NLRP1: variants seen among roughly 807,000 people sequenced by gnomAD.
NLRP1 encodes NLR family pyrin domain containing 1, also known as NACHT, LRR and PYD domains-containing protein 1.
A neutral mutation model predicts 136.7 loss-of-function variants in NLRP1; 94 were observed. The observed-to-expected ratio is 0.69, with a 90% CI of 0.58 to 0.82. The LOEUF (loss-of-function observed/expected upper bound fraction) is 0.82. Ranked by LOEUF, NLRP1 falls within the 40% of genes least tolerant of loss-of-function variation. The pLI is 0.00. For synonymous variants in NLRP1, 690 were observed against 725.1 expected (o/e 0.95, Z 0.78); for missense variants, 1,575 against 1,802.7 (o/e 0.87, Z 2.29).
At position 5,519,297 on chromosome 17, in the gene NLRP1, C is replaced by T. The variant is rs576642589; in HGVS notation, c.3916-1410G>A. Among the ~76,000 whole-genome samples, 13 of 151,864 alleles carry T rather than the reference C, an allele frequency of 8.6e-5. No individual in the cohort carries two copies. The East Asian group carries it at 1.2e-3, about 14-fold the overall frequency. On this transcript the variant is annotated intron_variant, in intron 14 of 16. Coordinates refer to ENST00000572272, the MANE Select transcript of NLRP1 (RefSeq NM_033004.4). ...GATTACAGGCTTGAGCCACCACACC[C>T]GGCCCTCCCGGCTAATTTTTGTATT...
At chr17:5,521,076 G>C in intron 13 of NLRP1, 64 bp from the exon 14 acceptor site, 2 of 1,476,346 alleles carry the variant, frequency 1.4e-6, no homozygotes, top group Non-Finnish European at 1.8e-6. Flanking sequence ...GTTTGAATAG[G>C]GGGGATGGTG....
intron 3 of NLRP1, among the ~76,000 whole-genome samples, chr17:5,573,469 C>A (rs537223420): frequency 6.6e-6 from 1 of 152,166 alleles, no homozygotes; most frequent in South Asian, 2.1e-4. Context: ...AAGAGAGCAG[C>A]GGTTCTCCCA....
At chr17:5,512,075 G>A (rs191883975), downstream of NLRP1, 48 of 711,300 alleles carry the variant, frequency 6.7e-5, 4 homozygotes, top group African/African-American at 7.4e-4. Flanking sequence ...TTTGTTTTGG[G>A]TTTTTGTGGT....
chr17:5,558,351 G>C lies in NLRP1; in HGVS notation c.2345C>G (p.Thr782Ser), dbSNP rs52795654. 0.05 allele frequency: 79,866 copies of C among 1,606,190 alleles called. 2,372 individuals are homozygous for C. Among genetic ancestry groups the C allele is most frequent in the African/African-American group, 0.12 (8,594 of 74,612 alleles). Reference protein sequence around the residue: ...GRQHRSTWSPTMVVLFRWVPV... With the variant: ...GRQHRSTWSPSMVVLFRWVPV... ...TTTGGGTACTCACAGGACTACCATGGTGGGGCTCCATGTTGATCTGTGCTG... is the reference window on the plus strand; with the variant it reads ...TTTGGGTACTCACAGGACTACCATGCTGGGGCTCCATGTTGATCTGTGCTG... Residue 782 changes from threonine to serine, a missense_variant, in exon 4 of 17, where the codon ACC becomes AGC. Transcript: ENST00000572272.
chr17:5,544,568 A>G (rs1912316092), intron 5 of NLRP1, among the ~76,000 whole-genome samples: 1 of 152,132 alleles, frequency 6.6e-6, no homozygotes, highest in South Asian at 2.1e-4. Flanking sequence ...AGCACCTTTG[A>G]GGGTCTGGAC....
intron 15 of NLRP1, among the ~76,000 whole-genome samples, chr17:5,517,284 G>T (rs576438196): frequency 4.6e-4 from 66 of 143,422 alleles, no homozygotes; most frequent in Non-Finnish European, 8.7e-4. Flanking sequence ...ACTTGAGAAA[G>T]CCACCTACCT....
intron 15 of NLRP1, among the ~76,000 whole-genome samples, chr17:5,506,890 A>G (rs7211858): frequency 0.31 from 45,146 of 144,176 alleles, 8,267 homozygotes; most frequent in African/African-American, 0.51. Flanking sequence ...CAACAAGAGC[A>G]AAACTCCATC....
chr17:5,533,319 T>G lies in NLRP1; in HGVS notation c.3118A>C (p.Ile1040Leu). ...KLLDVSKIFP[I>L]AEIAEESSPE... ...TGGCTCTTGCCTGCAATCTCAGCAATTGGGAAGATCTTGCTCACGTCCAGG... is the reference window on the plus strand; with the variant it reads ...TGGCTCTTGCCTGCAATCTCAGCAAGTGGGAAGATCTTGCTCACGTCCAGG... Residue 1040 changes from isoleucine (I) to leucine (L), a missense_variant, in exon 10 of 17, where the codon ATT becomes CTT. Physicochemically the swap from Ile to Leu is conservative, Grantham distance 5 (BLOSUM62 2). Transcript: ENST00000572272. The G allele has an allele frequency of 1.3e-6, 2 of 1,531,064 alleles. No individual in the cohort carries two copies. Among genetic ancestry groups the G allele is most frequent in the Non-Finnish European group, 1.8e-6 (2 of 1,128,140 alleles). The allele number at this position is 1,531,064 out of a possible 1,614,324, so 94.8% of individuals were successfully genotyped here. A position where few individuals can be genotyped will look rare whatever the true frequency, so the allele number is the denominator to read the frequency against.
chr17:5,554,786 T>C (rs1324502149), intron 4 of NLRP1, among the ~76,000 whole-genome samples: 1 of 151,716 alleles, frequency 6.6e-6, no homozygotes, highest in Non-Finnish European at 1.5e-5. Flanking sequence ...CTTGAGGAGG[T>C]AGAGGCAGGA....
At position 5,562,413 on chromosome 17, in the gene NLRP1, C is replaced by T. The variant is rs144253611; in HGVS notation, c.653-2370G>A. 7.9e-4 allele frequency among the ~76,000 whole-genome samples: 120 copies of T among 152,340 alleles called. 1 individual carries two copies. In the East Asian group the frequency reaches 0.01, roughly 13 times the overall value. On this transcript the variant is annotated intron_variant, in intron 3 of 16. Coordinates refer to ENST00000572272, the MANE Select transcript of NLRP1 (RefSeq NM_033004.4). Reference sequence around the variant, plus strand: ...CTGCAGGGCGGACCCAGCAAGGATACGGCCTGTCTGCCAACCACGGCCCCT... The same window carrying T: ...CTGCAGGGCGGACCCAGCAAGGATATGGCCTGTCTGCCAACCACGGCCCCT...
chr17:5,574,984 A>G (rs1293813972), intron 3 of NLRP1, among the ~76,000 whole-genome samples: 3 of 152,112 alleles, frequency 2.0e-5, no homozygotes, highest in African/African-American at 7.2e-5. Flanking sequence ...TTCTTAAAGA[A>G]AAGAATTTTC....
intron 3 of NLRP1, among the ~76,000 whole-genome samples, chr17:5,574,657 A>G (rs1364379649): frequency 6.8e-6 from 1 of 147,950 alleles, no homozygotes; most frequent in Non-Finnish European, 1.5e-5. Context: ...AATATTCAAC[A>G]TTCTTTTTTT....
At position 5,551,408 on chromosome 17, in the gene NLRP1, A is replaced by T. The variant is rs76986759; in HGVS notation, c.2528+1978T>A. On this transcript the variant is annotated intron_variant, in intron 5 of 16. Transcript: ENST00000572272. ...TAATAGTCCATTGTCTGTTTGTACCACAATTTATGAGTCCATTCACTTTCT... is the reference window on the plus strand; with the variant it reads ...TAATAGTCCATTGTCTGTTTGTACCTCAATTTATGAGTCCATTCACTTTCT... Among the ~76,000 whole-genome samples the T allele has an allele frequency of 1.8e-3, 280 of 152,282 alleles. 2 individuals carry two copies. The highest frequency in any genetic ancestry group is 6.3e-3 in the African/African-American group (260 of 41,550).
Position 5,536,894 on chromosome 17 carries a change from C to A in NLRP1, c.2917G>T (p.Ala973Ser). 1 of 1,613,826 alleles carries A rather than the reference C, an allele frequency of 6.2e-7. No individual in the cohort carries two copies. ...AGCTGAGGTTTCTCCTGCTCCAGGG[C>A]CCTCAGTTCCTGCCTCATCTCATCA... ...LSDEMRQELRALEQEKPQLLI... is the reference protein window; with the variant it reads ...LSDEMRQELRSLEQEKPQLLI... Residue 973 changes from alanine to serine, a missense_variant, in exon 8 of 17, where the codon GCC (alanine) becomes TCC (serine). Physicochemically the swap from Ala to Ser is moderately conservative, Grantham distance 99. Coordinates refer to ENST00000572272, the MANE Select transcript of NLRP1 (RefSeq NM_033004.4).
At chr17:5,530,361 AC>A (rs1471869179) in intron 12 of NLRP1, 119 bp downstream of exon 12, 23 of 795,076 alleles carry the variant, frequency 2.9e-5, no homozygotes, top group Admixed American at 4.8e-5. Context: ...CATCTCCATA[AC>A]CCCCCCTCGG....
In NLRP1 at chr17:5,559,621, C is replaced by T. The variant is rs766735694; in HGVS notation, c.1075G>A (p.Asp359Asn). The stretch of plus-strand genomic sequence containing the variant: ...AAGTAGAAGACATGCTGGAAGCGGT[C>T]CCCATACAGCTGGCCTCTCCCCCAG... Reference protein sequence around the residue: ...EAWGRGQLYGDRFQHVFYFSC... With the variant: ...EAWGRGQLYGNRFQHVFYFSC... The change falls in exon 4 of 17, where the codon GAC (aspartate) becomes AAC (asparagine). Residue 359 changes from aspartate (D) to asparagine (N), a missense_variant. Asp to Asn is a conservative substitution (Grantham distance 23). Coordinates refer to ENST00000572272, the MANE Select transcript of NLRP1 (RefSeq NM_033004.4). The T allele has an allele frequency of 6.2e-7, 1 of 1,614,218 alleles. No homozygotes were observed. Among genetic ancestry groups the T allele is most frequent in the Non-Finnish European group, 8.5e-7 (1 of 1,180,036 alleles).
At chr17:5,544,557 G>A (rs931042313) in intron 5 of NLRP1, among the ~76,000 whole-genome samples, 1 of 152,140 alleles carries the variant, frequency 6.6e-6, no homozygotes, top group Non-Finnish European at 1.5e-5. Flanking sequence ...AGAGGCCTCC[G>A]AGCACCTTTG....
chr17:5,558,397 G>C lies in NLRP1; in HGVS notation c.2299C>G (p.Leu767Val). The C allele has an allele frequency of 6.2e-7, 1 of 1,614,106 alleles. No individual in the cohort carries two copies. The highest frequency in any genetic ancestry group is 8.5e-7 in the Non-Finnish European group (1 of 1,180,006). Residue 767 changes from leucine to valine, a missense_variant, in exon 4 of 17, where the codon CTT (leucine) becomes GTT (valine). Physicochemically the swap from Leu to Val is conservative, Grantham distance 32. Coordinates refer to ENST00000572272, the MANE Select transcript of NLRP1 (RefSeq NM_033004.4). ...CIKFSRHVKKLQLIEGRQHRS... is the reference protein window; with the variant it reads ...CIKFSRHVKKVQLIEGRQHRS... ...TGCTGCCTGCCCTCAATCAGCTGAA[G>C]CTTCTTCACGTGGCGGCTGAATTTA...
chr17:5,577,449 A>G (rs1905135666), intron 3 of NLRP1, among the ~76,000 whole-genome samples: 1 of 152,246 alleles, frequency 6.6e-6, no homozygotes, highest in Admixed American at 6.5e-5. Context: ...AAAAGTCACA[A>G]GCATTCTTAC....
Sources: gnomAD v4.1 joint callset for allele counts (sites outside exome capture counted in the v4.1 genomes callset) on GRCh38, gnomAD v4.1.1 for gene constraint, MANE v1.5 for transcripts, NCBI Gene and HGNC (gene_info 2026-07-23, HGNC 2026-07-21) for gene names.